The following SPATS2 variants were observed in gnomAD, a reference collection of about 807,000 sequenced individuals.
The protein encoded by SPATS2 is spermatogenesis-associated serine-rich protein 2.
Under a neutral mutation model 63.7 loss-of-function variants are expected in SPATS2, and 38 were observed. The observed-to-expected ratio is 0.60, with a 90% confidence interval of 0.46 to 0.78. The LOEUF is 0.78. SPATS2 is among the 30% of genes least tolerant of loss of function. The pLI, the probability that SPATS2 is intolerant of heterozygous loss-of-function variation, is 0.00. For missense variants in SPATS2, 588 were observed against 666.2 expected, an observed-to-expected ratio of 0.88 and a Z score of 1.29; for synonymous variants, 207 against 232.9, an observed-to-expected ratio of 0.89 and a Z score of 1.01.
chr12:49,478,819 G>A (rs1230580963), intron 3 of SPATS2, among the ~76,000 whole-genome samples: 1 of 152,154 alleles, frequency 6.6e-6, no homozygotes, highest in Non-Finnish European at 1.5e-5. Flanking sequence ...GGCCAGTGAT[G>A]CCTTTGCCTG....
chr12:49,438,911 C>T (rs903089695), intron 2 of SPATS2, among the ~76,000 whole-genome samples: 5 of 152,178 alleles, frequency 3.3e-5, no homozygotes, highest in Non-Finnish European at 5.9e-5. Context: ...GCTCTGTCCT[C>T]ATGGAGTCCA....
At chr12:49,409,591 A>AT (rs1565707922) in intron 2 of SPATS2, among the ~76,000 whole-genome samples, 16 of 123,314 alleles carry the variant, frequency 1.3e-4, no homozygotes, top group Admixed American at 1.8e-4. Flanking sequence ...TGTGCCCAGC[A>AT]ATTTTTTTTT....
intron 2 of SPATS2, among the ~76,000 whole-genome samples, chr12:49,388,882 T>A (rs926230292): frequency 6.6e-6 from 1 of 151,818 alleles, no homozygotes; most frequent in African/African-American, 2.4e-5. Flanking sequence ...TTTGTAGAGA[T>A]GGGATCTCAC....
intron 2 of SPATS2, among the ~76,000 whole-genome samples, chr12:49,460,237 C>T (rs1373832724): frequency 1.3e-5 from 2 of 152,136 alleles, no homozygotes; most frequent in Non-Finnish European, 2.9e-5. Flanking sequence ...AGGCGGATCA[C>T]GAGGTAAAGA....
At chr12:49,398,135 C>CAAAAAAAAAAA (rs71080193) in intron 2 of SPATS2, among the ~76,000 whole-genome samples, 22 of 45,292 alleles carry the variant, frequency 4.9e-4, no homozygotes, top group Non-Finnish European at 7.3e-4. Flanking sequence ...GACCCTGTCT[C>CAAAAAAAAAAA]AAAAAAAAAA....
At chr12:49,485,136 G>A (rs1946267837) in intron 4 of SPATS2, among the ~76,000 whole-genome samples, 2 of 150,756 alleles carry the variant, frequency 1.3e-5, no homozygotes, top group South Asian at 2.1e-4. Context: ...GCCGATCTGG[G>A]CTCACTGCAA....
At chr12:49,400,341 C>T (rs1426234761) in intron 2 of SPATS2, among the ~76,000 whole-genome samples, 1 of 152,138 alleles carries the variant, frequency 6.6e-6, no homozygotes, top group African/African-American at 2.4e-5. Context: ...GAGACAGTTA[C>T]AGCTTCTTGG....
At chr12:49,395,724 C>T (rs889130974) in intron 2 of SPATS2, among the ~76,000 whole-genome samples, 3 of 152,196 alleles carry the variant, frequency 2.0e-5, no homozygotes, top group Non-Finnish European at 4.4e-5. Flanking sequence ...CTGTGCCCGA[C>T]CCAGATTGTT....
intron 2 of SPATS2, among the ~76,000 whole-genome samples, chr12:49,380,290 C>CTGGGA (rs1944192342): frequency 6.6e-6 from 1 of 151,866 alleles, no homozygotes; most frequent in Non-Finnish European, 1.5e-5. Context: ...TCCCAAAGGG[C>CTGGGA]TGGGATTACA....
intron 9 of SPATS2, among the ~76,000 whole-genome samples, chr12:49,501,719 A>G (rs1191441574): frequency 1.3e-5 from 2 of 152,136 alleles, no homozygotes; most frequent in Non-Finnish European, 2.9e-5. Context: ...GGTTGCAGCC[A>G]TTCTCCTGCC....
At position 49,527,087 on chromosome 12, in the gene SPATS2, C is replaced by G. The variant is rs565289379; in HGVS notation, c.*832C>G. On this transcript the variant is annotated 3_prime_UTR_variant, in exon 14 of 14. Transcript: ENST00000552918. ...ACTAAAAATACAAAAATTAGCTGAG[C>G]ATGGTGGCGTGTGCCTGTAATCTCA... 1 of 152,036 alleles carries G rather than the reference C, an allele frequency of 6.6e-6. No individual in the cohort carries two copies. The highest frequency in any genetic ancestry group is 2.1e-4 in the South Asian group (1 of 4,810). 9.4% of individuals were successfully genotyped at this position (152,036 alleles called of 1,614,324 possible).
rs767704737 is a variant in SPATS2, at chr12:49,494,776, A to G, written c.300A>G (p.Ala100=). ...KKKKNKPKPA[A]EPSNGIPDSS... is the part of the protein sequence containing the mutation. ...AGAAAAACAAACCGAAACCTGCCGC[A>G]GAACCAAGTAACGGCATCCCAGATT... The change falls in exon 7 of 14, where the codon GCA becomes GCG. Residue 100 remains alanine (A), a synonymous_variant. Coordinates refer to ENST00000552918, the MANE Select transcript of SPATS2 (RefSeq NM_023071.4). The G allele has an allele frequency of 1.2e-6, 2 of 1,605,356 alleles. No individual in the cohort carries two copies. Among genetic ancestry groups the G allele is most frequent in the Admixed American group, 1.7e-5 (1 of 58,242 alleles).
At chr12:49,410,859 G>A (rs1225574564) in intron 2 of SPATS2, among the ~76,000 whole-genome samples, 1 of 151,812 alleles carries the variant, frequency 6.6e-6, no homozygotes, top group East Asian at 1.9e-4. Flanking sequence ...TCTCATGGGA[G>A]GGTTAGGTGC....
At position 49,494,773 on chromosome 12, in the gene SPATS2, C is replaced by T. The variant is rs764009666; in HGVS notation, c.297C>T (p.Ala99=). The change falls in exon 7 of 14, where the codon GCC becomes GCT. Residue 99 remains alanine, a synonymous_variant. Coordinates refer to ENST00000552918, the MANE Select transcript of SPATS2 (RefSeq NM_023071.4). Reference sequence around the variant, plus strand: ...AGAAGAAAAACAAACCGAAACCTGCCGCAGAACCAAGTAACGGCATCCCAG... The same window carrying T: ...AGAAGAAAAACAAACCGAAACCTGCTGCAGAACCAAGTAACGGCATCCCAG... The part of the protein sequence containing the change: ...NKKKKNKPKP[A]AEPSNGIPDS... The T allele has an allele frequency of 9.4e-6, 15 of 1,600,394 alleles. No homozygotes were observed. The highest frequency in any genetic ancestry group is 5.6e-5 in the South Asian group (5 of 88,772).
intron 10 of SPATS2, among the ~76,000 whole-genome samples, chr12:49,516,537 C>T (rs528133038): frequency 1.1e-3 from 161 of 151,710 alleles, no homozygotes; most frequent in Admixed American, 1.9e-3. Context: ...GAAACCCTGT[C>T]TCTACTAAAA....
At chr12:49,444,173 TAC>T (rs1945471240) in intron 2 of SPATS2, among the ~76,000 whole-genome samples, 1 of 152,100 alleles carries the variant, frequency 6.6e-6, no homozygotes, top group African/African-American at 2.4e-5. Context: ...ATGAGATTTG[TAC>T]ATCTGTTATT....
intron 2 of SPATS2, among the ~76,000 whole-genome samples, chr12:49,436,594 G>T (rs1433154519): frequency 3.7e-5 from 5 of 134,598 alleles, no homozygotes; most frequent in Admixed American, 1.4e-4. Context: ...GGGGTGGCTG[G>T]CCGGGCCGGG....
intron 2 of SPATS2, among the ~76,000 whole-genome samples, chr12:49,437,767 G>T (rs951475076): frequency 2.0e-5 from 3 of 151,842 alleles, no homozygotes; most frequent in Non-Finnish European, 4.4e-5. Flanking sequence ...GCAGTGAGCC[G>T]AGATGGCAGC....
At chr12:49,399,539 A>T (rs780841410) in intron 2 of SPATS2, among the ~76,000 whole-genome samples, 1 of 152,200 alleles carries the variant, frequency 6.6e-6, no homozygotes, top group Non-Finnish European at 1.5e-5. Flanking sequence ...CTCAACTTTG[A>T]TGGTGTGTAG....
Sources: gnomAD v4.1 joint callset for allele counts (sites outside exome capture counted in the v4.1 genomes callset) on GRCh38, gnomAD v4.1.1 for gene constraint, MANE v1.5 for transcripts, NCBI Gene and HGNC (gene_info 2026-07-23, HGNC 2026-07-21) for gene names.